The following KCNU1 variants were observed in gnomAD, a reference collection of about 807,000 sequenced individuals.
The protein encoded by KCNU1 is potassium calcium-activated channel subfamily U member 1.
KCNU1 carries 93 observed loss-of-function variants against 126.8 expected under a neutral mutation model. That is an observed-to-expected ratio of 0.73 (90% confidence interval 0.62 to 0.87). The LOEUF (loss-of-function observed/expected upper bound fraction) is 0.87. Among genes scored for constraint, KCNU1 ranks in the 40% least tolerant of loss-of-function variants. KCNU1 has a pLI of 0.00. For synonymous variants in KCNU1, 523 were observed against 494.2 expected (o/e 1.06, Z -0.77); for missense variants, 1,330 against 1,367.1 (o/e 0.97, Z 0.43).
chr8:36,886,980 G>GC (rs1056748778), intron 19 of KCNU1, among the ~76,000 whole-genome samples: 6 of 151,574 alleles, frequency 4.0e-5, no homozygotes, highest in African/African-American at 1.5e-4. Context: ...ACATTATTTT[G>GC]TTTTTTTTAT....
chr8:36,862,000 G>A (rs1197986856), intron 18 of KCNU1, among the ~76,000 whole-genome samples: 2 of 151,990 alleles, frequency 1.3e-5, no homozygotes, highest in Admixed American at 1.3e-4. Flanking sequence ...TTGTTTGTTT[G>A]TTTGTTTGTT....
At chr8:36,800,616 G>T (rs1304022817) in intron 2 of KCNU1, among the ~76,000 whole-genome samples, 2 of 152,284 alleles carry the variant, frequency 1.3e-5, no homozygotes, top group South Asian at 2.1e-4. Flanking sequence ...GGCCTCCATG[G>T]CTCAGGTAAA....
intron 20 of KCNU1, among the ~76,000 whole-genome samples, chr8:36,906,645 T>C (rs2117512530): frequency 6.6e-6 from 1 of 152,342 alleles, no homozygotes; most frequent in East Asian, 1.9e-4. Context: ...TTTCTTGCTT[T>C]CCAAAAGTAG....
intron 23 of KCNU1, among the ~76,000 whole-genome samples, chr8:36,919,191 G>C (rs1317642493): frequency 6.6e-6 from 1 of 152,100 alleles, no homozygotes; most frequent in African/African-American, 2.4e-5. Flanking sequence ...CCATCGATAT[G>C]AAGACTGCTA....
chr8:36,869,591 A>G (rs979570854), intron 19 of KCNU1, among the ~76,000 whole-genome samples: 1 of 152,128 alleles, frequency 6.6e-6, no homozygotes, highest in South Asian at 2.1e-4. Flanking sequence ...ATTAGCCATG[A>G]GCAATAGCAC....
At chr8:36,888,451 G>A (rs1806804296) in intron 19 of KCNU1, 4 of 440,430 alleles carry the variant, frequency 9.1e-6, no homozygotes, top group Non-Finnish European at 1.9e-5. Context: ...CTAAGCTAGT[G>A]CCACCTTCAT....
In KCNU1 at chr8:36,911,091, C is replaced by T; in HGVS notation, c.2493C>T (p.Ser831=). The change falls in exon 22 of 27, where the codon TCC becomes TCT. Residue 831 remains serine (S), a synonymous_variant. Transcript: ENST00000399881. ...CCATCGGATCCTTGCAAATTGACTC[C>T]TCCTCTGACCCGTCACCCTCAGTGT... ...TLTIGSLQID[S]SSDPSPSVSE... is the part of the protein sequence containing the mutation. 6.2e-7 allele frequency: 1 copy of T among 1,613,444 alleles called. No individual in the cohort carries two copies. Among genetic ancestry groups the T allele is most frequent in the East Asian group, 2.2e-5 (1 of 44,806 alleles).
chr8:36,894,877 T>A (rs972538415), intron 19 of KCNU1, among the ~76,000 whole-genome samples: 2 of 152,152 alleles, frequency 1.3e-5, no homozygotes, highest in African/African-American at 2.4e-5. Flanking sequence ...ACTATAGTCC[T>A]TATTGTGTTA....
intron 22 of KCNU1, among the ~76,000 whole-genome samples, chr8:36,911,915 G>T (rs1271864888): frequency 6.6e-6 from 1 of 152,162 alleles, no homozygotes; most frequent in Non-Finnish European, 1.5e-5. Context: ...AAGGGAAAAA[G>T]CTTATACATT....
chr8:36,914,347 T>A (rs1405966525), intron 22 of KCNU1, among the ~76,000 whole-genome samples: 1 of 152,198 alleles, frequency 6.6e-6, no homozygotes, highest in Admixed American at 6.5e-5. Flanking sequence ...GGGAATGCTA[T>A]CACCACTAGT....
At chr8:36,843,741 G>C in intron 16 of KCNU1, among the ~76,000 whole-genome samples, 1 of 152,134 alleles carries the variant, frequency 6.6e-6, no homozygotes, top group East Asian at 1.9e-4. Flanking sequence ...TCACTTTTTA[G>C]CTCCTCTTCA....
chr8:36,813,941 G>A (rs184416202), intron 7 of KCNU1, among the ~76,000 whole-genome samples: 5 of 152,112 alleles, frequency 3.3e-5, no homozygotes, highest in East Asian at 3.9e-4. Context: ...ATCTGTCCCC[G>A]GTGGAGCTTT....
In KCNU1 at chr8:36,929,303, G is replaced by C. The variant is rs140649229; in HGVS notation, c.2737-1648G>C. On this transcript the variant is annotated intron_variant, in intron 24 of 26. Coordinates refer to ENST00000399881, the MANE Select transcript of KCNU1 (RefSeq NM_001031836.3). ...GGAGGCTGAGGCAGGAGAATTGCTC[G>C]AATCCAGGAGGCAGAGGTTGCAGTG... Among the ~76,000 whole-genome samples, 736 of 148,640 alleles carry C rather than the reference G, an allele frequency of 5.0e-3. 4 individuals carry two copies. The highest frequency in any genetic ancestry group is 6.9e-3 in the Non-Finnish European group (465 of 67,592).
At chr8:36,881,411 A>T (rs994338102) in intron 19 of KCNU1, among the ~76,000 whole-genome samples, 1 of 151,980 alleles carries the variant, frequency 6.6e-6, no homozygotes, top group Non-Finnish European at 1.5e-5. Context: ...TTTGGTAGGG[A>T]TAGGGTCTCA....
At chr8:36,885,867 A>G (rs1018241198) in intron 19 of KCNU1, among the ~76,000 whole-genome samples, 5 of 152,150 alleles carry the variant, frequency 3.3e-5, no homozygotes, top group African/African-American at 1.2e-4. Flanking sequence ...CAGGGAAAAA[A>G]TACTTTCCCA....
chr8:36,819,471 A>G (rs998239516), intron 10 of KCNU1, among the ~76,000 whole-genome samples: 3 of 152,130 alleles, frequency 2.0e-5, no homozygotes, highest in Non-Finnish European at 4.4e-5. Context: ...CATTTTCATC[A>G]ATACCATTAA....
chr8:36,879,856 C>T (rs1233024678), intron 19 of KCNU1, among the ~76,000 whole-genome samples: 2 of 152,098 alleles, frequency 1.3e-5, no homozygotes, highest in African/African-American at 2.4e-5. Flanking sequence ...GTTTATGGTT[C>T]GGGTATTTGT....
chr8:36,832,360 A>G (rs888118158), intron 10 of KCNU1, among the ~76,000 whole-genome samples: 1 of 152,182 alleles, frequency 6.6e-6, no homozygotes, highest in Non-Finnish European at 1.5e-5. Flanking sequence ...CAATATGGCC[A>G]TTTTCACGAT....
In KCNU1 at chr8:36,931,166, A is replaced by T. The variant is rs772942649; in HGVS notation, c.2931+21A>T. 101 of 1,569,200 alleles carry T rather than the reference A, an allele frequency of 6.4e-5. No individual in the cohort carries two copies. In the Admixed American group the frequency reaches 1.8e-3, roughly 28 times the overall value. Reference sequence around the variant, plus strand: ...TTAATGTGAGTCTACTCTTCTCAGAATTCAGTTTTTCACTTCTTTACCTCT... The same window carrying T: ...TTAATGTGAGTCTACTCTTCTCAGATTTCAGTTTTTCACTTCTTTACCTCT... On this transcript the variant is annotated intron_variant, in intron 25 of 26. Coordinates refer to ENST00000399881, the MANE Select transcript of KCNU1 (RefSeq NM_001031836.3).
Sources: allele counts gnomAD v4.1 joint callset (sites outside exome capture counted in the v4.1 genomes callset), GRCh38; gene constraint gnomAD v4.1.1; transcripts MANE v1.5; gene names NCBI Gene and HGNC (gene_info 2026-07-23, HGNC 2026-07-21).